SAP30BP: variants seen among roughly 807,000 people sequenced by gnomAD.
SAP30BP encodes the protein SAP30 binding protein, also known as SAP30-binding protein.
A neutral mutation model predicts 46.3 loss-of-function variants in SAP30BP; 31 were observed. That is an observed-to-expected ratio of 0.67 (90% CI 0.50 to 0.90). The LOEUF (loss-of-function observed/expected upper bound fraction) is 0.90, where lower values mean the gene tolerates loss of function less well. Among genes scored for constraint, SAP30BP ranks in the 40% least tolerant of loss-of-function variants. The pLI, the probability that SAP30BP is intolerant of heterozygous loss-of-function variation, is 0.00. For missense variants in SAP30BP, 312 were observed against 391.0 expected (o/e 0.80, Z 1.70); for synonymous variants, 169 against 144.2 (o/e 1.17, Z -1.23).
chr17:75,688,703 T>C (rs553590372), intron 3 of SAP30BP, among the ~76,000 whole-genome samples: 1 of 152,268 alleles, frequency 6.6e-6, no homozygotes, highest in East Asian at 1.9e-4. Context: ...TCCTCCCAGC[T>C]CAAATGGCAG....
rs1054439983 is a variant in SAP30BP, at chr17:75,707,241, G to C, written c.*720G>C. The C allele has an allele frequency of 6.6e-6, 1 of 152,482 alleles. No homozygotes were observed. The highest frequency in any genetic ancestry group is 1.5e-5 in the Non-Finnish European group (1 of 68,242). The allele number at this position is 152,482 out of a possible 1,614,324, so 9.4% of individuals were successfully genotyped here. A position where few individuals can be genotyped will look rare whatever the true frequency, so the allele number is the denominator to read the frequency against. On this transcript the variant is annotated 3_prime_UTR_variant, in exon 11 of 11. Coordinates refer to ENST00000584667, the MANE Select transcript of SAP30BP (RefSeq NM_013260.8). ...TGCCCGGTGAGCGCAGCCAGCAGGAGCTGAGCAGCGGGGGAGATGAATCAC... is the reference window on the plus strand; with the variant it reads ...TGCCCGGTGAGCGCAGCCAGCAGGACCTGAGCAGCGGGGGAGATGAATCAC...
intron 3 of SAP30BP, among the ~76,000 whole-genome samples, chr17:75,689,374 C>T (rs1197126424): frequency 1.3e-5 from 2 of 152,122 alleles, no homozygotes; most frequent in African/African-American, 2.4e-5. Flanking sequence ...ACCTCAGCCT[C>T]CCAACTCCCC....
intron 3 of SAP30BP, among the ~76,000 whole-genome samples, chr17:75,682,475 A>G (rs1599119758): frequency 6.6e-6 from 1 of 151,948 alleles, no homozygotes; most frequent in Admixed American, 6.6e-5. Context: ...GTGAGCTGGG[A>G]TTACGGGTGC....
Position 75,706,076 on chromosome 17 carries a change from C to A in SAP30BP, c.729C>A (p.Ala243=). The A allele has an allele frequency of 1.2e-6, 2 of 1,613,082 alleles. No homozygotes were observed. Among genetic ancestry groups the A allele is most frequent in the Non-Finnish European group, 1.7e-6 (2 of 1,179,664 alleles). The change falls in exon 10 of 11, where the codon GCC becomes GCA. Residue 243 remains alanine (A), a synonymous_variant. Transcript: ENST00000584667. The surrounding 1 kb of genome is among the most constrained non-coding windows in gnomAD (Gnocchi z 4.6). ...TNATSTTTTT[A]STAVADAQKR... Reference sequence around the variant, plus strand: ...CCACGTCCACCACCACTACCACTGCCAGCACAGCTGTTGCAGGTAGATTGC... The same window carrying A: ...CCACGTCCACCACCACTACCACTGCAAGCACAGCTGTTGCAGGTAGATTGC...
At chr17:75,690,815 G>T in intron 3 of SAP30BP, 1 of 454,668 alleles carries the variant, frequency 2.2e-6, no homozygotes, top group Middle Eastern at 3.5e-4. Flanking sequence ...ATTCTCCAGA[G>T]CCTTGTAGGT....
At chr17:75,682,946 G>A (rs1310519075) in intron 3 of SAP30BP, among the ~76,000 whole-genome samples, 3 of 146,774 alleles carry the variant, frequency 2.0e-5, no homozygotes, top group Non-Finnish European at 3.0e-5. Context: ...CTGGTGACAC[G>A]GTGAGACTTC....
At chr17:75,672,185 G>A (rs1228556246) in intron 3 of SAP30BP, 1 of 341,308 alleles carries the variant, frequency 2.9e-6, no homozygotes, top group Non-Finnish European at 5.6e-6. Context: ...CCTGCAGGTG[G>A]ATTAGTCTGT....
Position 75,706,146 on chromosome 17 carries a change from C to A in SAP30BP, c.745+54C>A. On this transcript the variant is annotated intron_variant, in intron 10 of 10. Transcript: ENST00000584667. This position sits in a 1 kb window ranked among gnomAD's most constrained non-coding sequence, Gnocchi z 4.6. ...CCACACACATGGAGCCAGGGTCTCC[C>A]TGGCTTGTTTGGGCGACAGACAGCA... The A allele has an allele frequency of 6.3e-7, 1 of 1,584,726 alleles. No homozygotes were observed. Among genetic ancestry groups the A allele is most frequent in the South Asian group, 1.1e-5 (1 of 88,932 alleles).
At chr17:75,681,338 C>T (rs1420441839) in intron 3 of SAP30BP, among the ~76,000 whole-genome samples, 1 of 152,168 alleles carries the variant, frequency 6.6e-6, no homozygotes, top group Admixed American at 6.5e-5. Context: ...CCTCTGGAGG[C>T]CCAGCCGGGT....
At chr17:75,674,690 G>GTTTTT (rs1287087489) in intron 3 of SAP30BP, among the ~76,000 whole-genome samples, 758 of 39,482 alleles carry the variant, frequency 0.019, 34 homozygotes, top group East Asian at 0.032. Flanking sequence ...TTTTTTGTTT[G>GTTTTT]TTTTTTGTTT....
Position 75,692,112 on chromosome 17 carries a change from A to G in SAP30BP, c.265-1328A>G, listed in dbSNP as rs1005518717. ...TGGGTTGCTAAGCAGCCTGGCCTGG[A>G]CGTGGTGCCCTGCCAGGTTGAATGA... On this transcript the variant is annotated intron_variant, in intron 3 of 10. Transcript: ENST00000584667. 1.7e-4 allele frequency: 91 copies of G among 526,328 alleles called. 1 individual carries two copies. Among genetic ancestry groups the G allele is most frequent in the Non-Finnish European group, 2.2e-4 (89 of 409,722 alleles). 32.6% of individuals were successfully genotyped at this position (526,328 alleles called of 1,614,324 possible). A position where few individuals can be genotyped will look rare whatever the true frequency, so the allele number is the denominator to read the frequency against.
chr17:75,671,933 A>G, intron 3 of SAP30BP, 70 bp downstream of exon 3: 6 of 1,224,468 alleles, frequency 4.9e-6, no homozygotes, highest in Admixed American at 1.7e-5. Context: ...CTCAGTTCGT[A>G]TGTTTGGTCA....
At chr17:75,694,624 G>T (rs58105773) in intron 4 of SAP30BP, among the ~76,000 whole-genome samples, 149,346 of 152,296 alleles carry the variant, frequency 0.98, 73,303 homozygotes, top group East Asian at 1. Context: ...GCCGATGGCC[G>T]GCCCAAGGGG....
rs563130714 is a variant in SAP30BP, at chr17:75,682,180, A to G, written c.264+10317A>G. Among the ~76,000 whole-genome samples the G allele has an allele frequency of 2.0e-5, 3 of 151,758 alleles. No individual in the cohort carries two copies. In the East Asian group the frequency reaches 5.8e-4, roughly 29 times the overall value. The stretch of plus-strand genomic sequence containing the variant: ...ATCACCTAATCTCATGATGCTAACC[A>G]TACGACCATTTTTTTTTTTTTGAGA... On this transcript the variant is annotated intron_variant, in intron 3 of 10. Transcript: ENST00000584667.
chr17:75,703,675 C>A, intron 7 of SAP30BP, 133 bp from the exon 8 acceptor site: 1 of 832,664 alleles, frequency 1.2e-6, no homozygotes, highest in Non-Finnish European at 2.0e-6. Context: ...CGCCCCTTGG[C>A]TAAAGACCAA....
At chr17:75,705,878 A>T in intron 9 of SAP30BP, 130 bp from the exon 10 acceptor site, 1 of 1,341,180 alleles carries the variant, frequency 7.5e-7, no homozygotes, top group South Asian at 1.3e-5. Flanking sequence ...CCAGATGGGC[A>T]GAGCAGAGTT....
intron 3 of SAP30BP, among the ~76,000 whole-genome samples, chr17:75,688,606 G>A (rs2060196453): frequency 6.6e-6 from 1 of 152,078 alleles, no homozygotes; most frequent in Admixed American, 6.6e-5. Context: ...TGTGGGGCCG[G>A]TTCCAGGAAG....
chr17:75,691,767 T>C, intron 3 of SAP30BP: 1 of 262,722 alleles, frequency 3.8e-6, no homozygotes. Context: ...AGGGAGGAGC[T>C]GATGTTTTCC....
chr17:75,684,598 T>C (rs992406329), intron 3 of SAP30BP: 2 of 152,228 alleles, frequency 1.3e-5, no homozygotes, highest in African/African-American at 4.8e-5. Flanking sequence ...GGCACTTCCC[T>C]GCGCTCAACA....
Sources: allele counts gnomAD v4.1 joint callset (sites outside exome capture counted in the v4.1 genomes callset), GRCh38; gene constraint gnomAD v4.1.1; non-coding constraint Gnocchi (gnomAD v3.1); transcripts MANE v1.5; gene names NCBI Gene and HGNC (gene_info 2026-07-23, HGNC 2026-07-21).